Variants in CDK19 observed in about 807,000 individuals in gnomAD.
CDK19 encodes cyclin dependent kinase 19.
In CDK19, 20 loss-of-function variants were observed where a neutral mutation model predicts 68.3. That is an observed-to-expected ratio of 0.29 (90% CI 0.21 to 0.43). CDK19 has a LOEUF of 0.43. CDK19 is among the 20% of genes least tolerant of loss of function. The probability of loss-of-function intolerance (pLI) is 1.00; values close to 1 mark genes in which losing one functional copy is unlikely to be tolerated. For missense variants in CDK19, 339 were observed against 623.5 expected, an observed-to-expected ratio of 0.54 and a Z score of 4.86; for synonymous variants, 221 against 222.8, an observed-to-expected ratio of 0.99 and a Z score of 0.07.
At chr6:110,631,878 TCTA>T (rs1454327656) in intron 6 of CDK19, 149 bp downstream of exon 6, 88 of 700,580 alleles carry the variant, frequency 1.3e-4, no homozygotes, top group Middle Eastern at 7.9e-4. Context: ...CAGTTAACAA[TCTA>T]AATCTACCAG....
chr6:110,750,492 G>A (rs913625845), intron 1 of CDK19, among the ~76,000 whole-genome samples: 2 of 152,172 alleles, frequency 1.3e-5, no homozygotes, highest in African/African-American at 4.8e-5. Flanking sequence ...AGAAGGAAGA[G>A]TCAAAGATGA....
rs76273401 is a variant in CDK19, at chr6:110,618,447, G to A, written c.1377+2657C>T. On this transcript the variant is annotated intron_variant, in intron 12 of 12. Transcript: ENST00000368911. ...TGTCCCCAGCCAGATTCTCTCTTGC[G>A]TATACCCACACTCCCCTTTCTTGAG... 4.7e-3 allele frequency among the ~76,000 whole-genome samples: 708 copies of A among 152,240 alleles called. 8 individuals carry two copies. Among genetic ancestry groups the A allele is most frequent in the East Asian group, 0.044 (229 of 5,180 alleles).
intron 5 of CDK19, 69 bp from the exon 6 acceptor site, chr6:110,632,230 G>T: frequency 2.3e-6 from 3 of 1,301,404 alleles, no homozygotes; most frequent in Non-Finnish European, 3.2e-6. Context: ...CTAAGATCAA[G>T]TGTAAAATTC....
chr6:110,624,629 A>G (rs1778971676), intron 8 of CDK19, among the ~76,000 whole-genome samples: 1 of 152,192 alleles, frequency 6.6e-6, no homozygotes, highest in African/African-American at 2.4e-5. Context: ...ATCCTACTAA[A>G]AAATTGTCTT....
chr6:110,732,568 T>C (rs1057336434), intron 2 of CDK19, among the ~76,000 whole-genome samples: 1 of 152,066 alleles, frequency 6.6e-6, no homozygotes, highest in African/African-American at 2.4e-5. Context: ...CATTTTAACC[T>C]TTCTACCCTC....
At chr6:110,618,500 CTCCA>C (rs1778493531) in intron 12 of CDK19, among the ~76,000 whole-genome samples, 1 of 152,184 alleles carries the variant, frequency 6.6e-6, no homozygotes, top group Admixed American at 6.5e-5. Flanking sequence ...TGCAATAAAT[CTCCA>C]TACTTTTGCT....
chr6:110,715,177 T>G (rs1435895068), intron 2 of CDK19, among the ~76,000 whole-genome samples: 1 of 152,232 alleles, frequency 6.6e-6, no homozygotes, highest in East Asian at 1.9e-4. Flanking sequence ...TGCTAACGTT[T>G]AACATTTCCT....
At chr6:110,626,374 C>T (rs909549565) in intron 8 of CDK19, among the ~76,000 whole-genome samples, 1 of 152,134 alleles carries the variant, frequency 6.6e-6, no homozygotes, top group African/African-American at 2.4e-5. Context: ...ATTGAAATTA[C>T]TACCTATAAT....
At chr6:110,673,565 A>G (rs1239471994) in intron 2 of CDK19, among the ~76,000 whole-genome samples, 3 of 151,716 alleles carry the variant, frequency 2.0e-5, no homozygotes, top group African/African-American at 7.3e-5. Flanking sequence ...TTTTGTAGAG[A>G]TAGAGTCTCA....
chr6:110,771,313 C>A (rs959450979), intron 1 of CDK19, among the ~76,000 whole-genome samples: 1 of 152,214 alleles, frequency 6.6e-6, no homozygotes, highest in African/African-American at 2.4e-5. Flanking sequence ...AACCTCAGTT[C>A]TTGACTTCTG....
intron 2 of CDK19, among the ~76,000 whole-genome samples, chr6:110,708,428 A>T (rs1774690877): frequency 6.6e-6 from 1 of 152,132 alleles, no homozygotes; most frequent in Admixed American, 6.5e-5. Context: ...CTCCCCCTAT[A>T]GCTCCACCTA....
intron 2 of CDK19, among the ~76,000 whole-genome samples, chr6:110,673,253 T>C (rs1045335482): frequency 2.6e-5 from 4 of 152,174 alleles, no homozygotes; most frequent in Admixed American, 6.5e-5. Context: ...TCAAGGTTCA[T>C]TTGTGTTGTA....
At chr6:110,711,314 C>T (rs1424832051) in intron 2 of CDK19, among the ~76,000 whole-genome samples, 1 of 152,158 alleles carries the variant, frequency 6.6e-6, no homozygotes, top group Admixed American at 6.6e-5. Flanking sequence ...ATACCTTCAA[C>T]ATTTAAAGCT....
intron 2 of CDK19, among the ~76,000 whole-genome samples, chr6:110,740,863 C>T (rs1054328169): frequency 2.0e-5 from 3 of 152,178 alleles, no homozygotes; most frequent in African/African-American, 7.2e-5. Flanking sequence ...ATCAGTCCCT[C>T]TTAGCCTCTC....
intron 2 of CDK19, among the ~76,000 whole-genome samples, chr6:110,718,156 A>G (rs1411035054): frequency 6.6e-6 from 1 of 152,148 alleles, no homozygotes; most frequent in Non-Finnish European, 1.5e-5. Context: ...ACCCAGTCCA[A>G]AGTGTTTTGT....
chr6:110,679,780 G>A (rs1310502891), intron 2 of CDK19, among the ~76,000 whole-genome samples: 1 of 152,090 alleles, frequency 6.6e-6, no homozygotes, highest in East Asian at 1.9e-4. Context: ...TTTATTGTCT[G>A]ACATGAAGCT....
intron 2 of CDK19, among the ~76,000 whole-genome samples, chr6:110,728,302 A>AGAG (rs1182156453): frequency 4.7e-5 from 7 of 150,408 alleles, no homozygotes; most frequent in Admixed American, 6.6e-5. Flanking sequence ...AAAAAAAAAA[A>AGAG]AGAGAGAGAG....
chr6:110,698,720 C>T (rs1005396137), intron 2 of CDK19, among the ~76,000 whole-genome samples: 1 of 152,172 alleles, frequency 6.6e-6, no homozygotes, highest in Admixed American at 6.5e-5. Flanking sequence ...TATCACAGCA[C>T]AATCCACAAC....
intron 2 of CDK19, among the ~76,000 whole-genome samples, chr6:110,703,684 T>A (rs1043541677): frequency 3.3e-5 from 5 of 151,868 alleles, no homozygotes; most frequent in East Asian, 3.9e-4. Flanking sequence ...TACAAAAAAA[T>A]TTTAAATTAG....
Sources: gnomAD v4.1 joint callset for allele counts (sites outside exome capture counted in the v4.1 genomes callset) on GRCh38, gnomAD v4.1.1 for gene constraint, MANE v1.5 for transcripts, NCBI Gene and HGNC (gene_info 2026-07-23, HGNC 2026-07-21) for gene names.